The following WDR72 variants were observed in gnomAD, a reference collection of about 807,000 sequenced individuals.
The protein encoded by WDR72 is WD repeat domain 72.
Under a neutral mutation model 124.2 loss-of-function variants are expected in WDR72, and 120 were observed. The ratio of observed to expected loss-of-function variants is 0.97; its 90% confidence interval spans 0.83 to 1.12. The LOEUF (loss-of-function observed/expected upper bound fraction) is 1.12, where lower values mean the gene tolerates loss of function less well. Ranked by LOEUF, WDR72 falls within the 50% of genes most tolerant of loss-of-function variation. WDR72 has a pLI of 0.00. For synonymous variants in WDR72, 452 were observed against 441.7 expected (o/e 1.02, Z -0.29); for missense variants, 1,387 against 1,278.8 (o/e 1.08, Z -1.29).
intron 13 of WDR72, among the ~76,000 whole-genome samples, chr15:53,666,488 A>G (rs1369325412): frequency 1.3e-5 from 2 of 152,206 alleles, no homozygotes; most frequent in Admixed American, 6.5e-5. Flanking sequence ...ATAAAATACA[A>G]TGCCATACAC....
intron 6 of WDR72, 84 bp from the exon 7 acceptor site, chr15:53,712,975 A>C: frequency 4.4e-4 from 648 of 1,477,670 alleles, no homozygotes; most frequent in Non-Finnish European, 5.6e-4. Flanking sequence ...CGTACATCTC[A>C]AGTAGATCAC....
At chr15:53,719,660 C>T (rs901077146) in intron 3 of WDR72, among the ~76,000 whole-genome samples, 2 of 152,152 alleles carry the variant, frequency 1.3e-5, no homozygotes, top group Non-Finnish European at 2.9e-5. Context: ...TGGGTACTTG[C>T]TACTTCAAAT....
chr15:53,521,352 T>C (rs923435285), intron 19 of WDR72, among the ~76,000 whole-genome samples: 2 of 152,030 alleles, frequency 1.3e-5, no homozygotes, highest in Non-Finnish European at 2.9e-5. Flanking sequence ...GATGTCTCCA[T>C]GACAACCAAG....
chr15:53,626,463 C>T (rs189907040), intron 14 of WDR72, among the ~76,000 whole-genome samples: 10 of 152,220 alleles, frequency 6.6e-5, no homozygotes, highest in African/African-American at 1.4e-4. Context: ...GTCTGCGAGG[C>T]GGCAAAGAAC....
At chr15:53,572,802 G>C (rs1028533059) in intron 18 of WDR72, among the ~76,000 whole-genome samples, 1 of 152,196 alleles carries the variant, frequency 6.6e-6, no homozygotes, top group Non-Finnish European at 1.5e-5. Context: ...TCCAGTTACT[G>C]CCCTCTGGGA....
At chr15:53,621,258 G>C (rs1322380335) in intron 14 of WDR72, among the ~76,000 whole-genome samples, 1 of 151,760 alleles carries the variant, frequency 6.6e-6, no homozygotes, top group Non-Finnish European at 1.5e-5. Flanking sequence ...ACTAAAAGTA[G>C]AACTACTATT....
chr15:53,678,740 G>A (rs1394316516), intron 13 of WDR72, among the ~76,000 whole-genome samples: 2 of 152,144 alleles, frequency 1.3e-5, no homozygotes, highest in Non-Finnish European at 2.9e-5. Context: ...TATGCCACAA[G>A]GTTCTATCCC....
chr15:53,597,361 A>G, intron 17 of WDR72, 87 bp from the exon 18 acceptor site: 1 of 1,324,362 alleles, frequency 7.6e-7, no homozygotes, highest in East Asian at 2.4e-5. Flanking sequence ...CCGGAATTTA[A>G]ATTTGAATAG....
At chr15:53,547,006 A>G (rs1159796924) in intron 18 of WDR72, among the ~76,000 whole-genome samples, 1 of 152,238 alleles carries the variant, frequency 6.6e-6, no homozygotes, top group Non-Finnish European at 1.5e-5. Flanking sequence ...CCATTTATGT[A>G]AAAATACTTA....
intron 15 of WDR72, 137 bp from the exon 16 acceptor site, chr15:53,613,894 A>G (rs1390547751): frequency 3.3e-6 from 2 of 614,058 alleles, no homozygotes; most frequent in South Asian, 3.8e-5. Flanking sequence ...AATATCTTTC[A>G]CATCAATTTC....
chr15:53,616,360 T>C, intron 14 of WDR72, 117 bp from the exon 15 acceptor site: 1 of 736,764 alleles, frequency 1.4e-6, no homozygotes, highest in Non-Finnish European at 2.1e-6. Context: ...TAAAGGCAAG[T>C]CATTTCAATT....
At chr15:53,735,815 T>G (rs2018337000) in intron 1 of WDR72, among the ~76,000 whole-genome samples, 4 of 151,694 alleles carry the variant, frequency 2.6e-5, no homozygotes, top group Admixed American at 2.6e-4. Context: ...GAAGAACAAA[T>G]ATAATAAATT....
chr15:53,567,363 A>G (rs1222426484), intron 18 of WDR72, among the ~76,000 whole-genome samples: 3 of 151,998 alleles, frequency 2.0e-5, no homozygotes, highest in Admixed American at 1.3e-4. Context: ...ACTGTCAGTC[A>G]ATTGATGGGT....
chr15:53,739,593 T>C (rs1276489381), intron 1 of WDR72, among the ~76,000 whole-genome samples: 2 of 152,194 alleles, frequency 1.3e-5, no homozygotes, highest in East Asian at 3.9e-4. Context: ...ATAAATTGGA[T>C]ACAAGTGAAG....
intron 18 of WDR72, among the ~76,000 whole-genome samples, chr15:53,569,261 A>G (rs1374065326): frequency 6.6e-6 from 1 of 151,972 alleles, no homozygotes; most frequent in Non-Finnish European, 1.5e-5. Context: ...AGCTTCCAAG[A>G]CCTGGGACAC....
intron 18 of WDR72, among the ~76,000 whole-genome samples, chr15:53,525,718 T>C (rs1008319553): frequency 2.6e-5 from 4 of 152,050 alleles, no homozygotes; most frequent in Non-Finnish European, 4.4e-5. Context: ...GCTACAACTT[T>C]GCTTCCACCT....
At chr15:53,571,375 C>A (rs918244516) in intron 18 of WDR72, among the ~76,000 whole-genome samples, 4 of 152,014 alleles carry the variant, frequency 2.6e-5, no homozygotes, top group Middle Eastern at 3.2e-3. Context: ...CTTCAATGCC[C>A]AACCCCTGCC....
chr15:53,686,778 A>G (rs997428592), intron 13 of WDR72, among the ~76,000 whole-genome samples: 3 of 150,080 alleles, frequency 2.0e-5, no homozygotes, highest in Non-Finnish European at 3.0e-5. Context: ...GCACCACACC[A>G]CACCTATTCC....
At chr15:53,525,978 G>C (rs1403243188) in intron 18 of WDR72, among the ~76,000 whole-genome samples, 1 of 151,984 alleles carries the variant, frequency 6.6e-6, no homozygotes, top group African/African-American at 2.4e-5. Context: ...TGTTTGATAG[G>C]CTAATCCTTG....
Sources: allele counts gnomAD v4.1 joint callset (sites outside exome capture counted in the v4.1 genomes callset), GRCh38; gene constraint gnomAD v4.1.1; transcripts MANE v1.5; gene names NCBI Gene and HGNC (gene_info 2026-07-23, HGNC 2026-07-21).